Variants in RLIM observed in about 807,000 individuals in gnomAD.
RLIM encodes ring finger protein, LIM domain interacting.
Under a neutral mutation model 34.0 loss-of-function variants are expected in RLIM, and 2 were observed. The ratio of observed to expected loss-of-function variants is 0.06; its 90% confidence interval spans 0.02 to 0.19. RLIM has a LOEUF of 0.19. Ranked by LOEUF, RLIM falls within the 10% of genes least tolerant of loss-of-function variation. RLIM has a pLI of 1.00. For missense variants in RLIM, 286 were observed against 479.7 expected, an observed-to-expected ratio of 0.60 and a Z score of 3.77; for synonymous variants, 169 against 164.0, an observed-to-expected ratio of 1.03 and a Z score of -0.23.
chrX:74,594,246 T>C (rs2079629290), intron 3 of RLIM, 60 bp downstream of exon 3: 1 of 814,176 alleles, frequency 1.2e-6, no homozygotes. Flanking sequence ...TGACATTTAC[T>C]ATTACAAAGT....
intron 1 of RLIM, among the ~76,000 whole-genome samples, chrX:74,597,074 GA>G (rs1173193839): frequency 4.5e-5 from 5 of 112,027 alleles, no homozygotes; most frequent in African/African-American, 1.6e-4. Flanking sequence ...CAAAAAGTTA[GA>G]AAATTTAAAG....
At chrX:74,610,458 C>A (rs55756327) in intron 1 of RLIM, among the ~76,000 whole-genome samples, 59 of 81,339 alleles carry the variant, frequency 7.3e-4, no homozygotes, top group African/African-American at 1.4e-3. Context: ...AACAAACAAA[C>A]AAAAAAAACC....
intron 1 of RLIM, among the ~76,000 whole-genome samples, chrX:74,613,884 A>AG (rs1423388208): frequency 9.1e-6 from 1 of 109,612 alleles, no homozygotes; most frequent in Non-Finnish European, 1.9e-5. Context: ...TCGCGGCCCC[A>AG]GGGGGCGCCT....
chrX:74,612,923 C>T (rs1307692419), intron 1 of RLIM, among the ~76,000 whole-genome samples: 1 of 111,726 alleles, frequency 9.0e-6, no homozygotes, highest in East Asian at 2.8e-4. Flanking sequence ...CTGATAGTCA[C>T]TTTCAAGGAC....
rs1425495107 is a variant in RLIM at position 74,583,277 on chromosome X, G to A, written c.*8163C>T. Reference sequence around the variant, plus strand: ...CAGTGATTTTACCGGCAAGAGTAGGGTGCATGGCTTGAATAAGAGGAAACA... The same window carrying A: ...CAGTGATTTTACCGGCAAGAGTAGGATGCATGGCTTGAATAAGAGGAAACA... On this transcript the variant is annotated 3_prime_UTR_variant, in exon 4 of 4. Coordinates refer to ENST00000332687, the MANE Select transcript of RLIM (RefSeq NM_016120.4). 1 of 1,020,494 alleles carries A rather than the reference G, an allele frequency of 9.8e-7. No homozygotes were observed. The highest frequency in any genetic ancestry group is 1.4e-6 in the Non-Finnish European group (1 of 719,770). The allele number at this position is 1,020,494 out of a possible 1,213,427, so 84.1% of individuals were successfully genotyped here.
Position 74,590,634 on chromosome X carries a change from T to G in RLIM, c.*806A>C, listed in dbSNP as rs1049931212. 8 of 112,811 alleles carry G rather than the reference T, an allele frequency of 7.1e-5. No homozygotes were observed. The highest frequency in any genetic ancestry group is 4.6e-3 in the Middle Eastern group (1 of 217). The allele number at this position is 112,811 out of a possible 1,213,427, so 9.3% of individuals were successfully genotyped here. On this transcript the variant is annotated 3_prime_UTR_variant, in exon 4 of 4. Coordinates refer to ENST00000332687, the MANE Select transcript of RLIM (RefSeq NM_016120.4). Reference sequence around the variant, plus strand: ...GTACTTTGTTTGGTGTGTTTGTTACTATGTTGGCTCACAAAAAGCAGTTTT... The same window carrying G: ...GTACTTTGTTTGGTGTGTTTGTTACGATGTTGGCTCACAAAAAGCAGTTTT...
rs2079610939 is a variant in RLIM at position 74,591,152 on chromosome X, C to T, written c.*288G>A. On this transcript the variant is annotated 3_prime_UTR_variant, in exon 4 of 4. Transcript: ENST00000332687. ...TGCTAAGGCAGATCTTTTAAGATAA[C>T]AAAGGAAAAATTGACAAGTGTATAT... is the stretch of plus-strand genomic sequence containing the variant. 7.3e-6 allele frequency: 2 copies of T among 275,755 alleles called. No individual in the cohort carries two copies. Among genetic ancestry groups the T allele is most frequent in the South Asian group, 1.1e-4 (1 of 9,208 alleles). The allele number at this position is 275,755 out of a possible 1,213,427, so 22.7% of individuals were successfully genotyped here. A position where few individuals can be genotyped will look rare whatever the true frequency, so the allele number is the denominator to read the frequency against.
chrX:74,592,436 A>G lies in RLIM; in HGVS notation c.879T>C (p.Asn293=), dbSNP rs746474712. The G allele has an allele frequency of 8.3e-7, 1 of 1,211,921 alleles. No individual in the cohort carries two copies. The highest frequency in any genetic ancestry group is 1.1e-6 in the Non-Finnish European group (1 of 895,562). Residue 293 remains asparagine (N), a synonymous_variant, in exon 4 of 4, where the codon AAT becomes AAC. Coordinates refer to ENST00000332687, the MANE Select transcript of RLIM (RefSeq NM_016120.4). ...CTGAAGAACCTGCTCCTTGAGAAGC[A>G]TTTCTTGTTCCAGAAGCTGCAAAAA... ...RGLFAASGTR[N]ASQGAGSSDT...
chrX:74,609,316 T>C (rs1352235382), intron 1 of RLIM, among the ~76,000 whole-genome samples: 1 of 107,803 alleles, frequency 9.3e-6, no homozygotes, highest in African/African-American at 3.4e-5. Context: ...TGAAACCCCG[T>C]CTCTACTAAA....
rs1931291824 is a variant in RLIM, at chrX:74,584,291, T to C, written c.*7149A>G. ...TGTGACCTGGGCAAATTACCAAACA[T>C]CTGTATCTCAGCTGCATTACCTATA... On this transcript the variant is annotated 3_prime_UTR_variant, in exon 4 of 4. Coordinates refer to ENST00000332687, the MANE Select transcript of RLIM (RefSeq NM_016120.4). Among the ~76,000 whole-genome samples, 2 of 111,605 alleles carry C rather than the reference T, an allele frequency of 1.8e-5. No homozygotes were observed. The highest frequency in any genetic ancestry group is 6.5e-5 in the African/African-American group (2 of 30,687).
intron 1 of RLIM, among the ~76,000 whole-genome samples, chrX:74,599,189 C>A (rs958691940): frequency 2.1e-4 from 23 of 111,786 alleles, no homozygotes; most frequent in African/African-American, 7.5e-4. Context: ...AAAAAGGATG[C>A]CAACTCCTGT....
Position 74,591,879 on chromosome X carries a change from G to A in RLIM, c.1436C>T (p.Ser479Phe), listed in dbSNP as rs765559681. ...SSSSSSSSPS[S>F]SSGGESSETS... ...TTCTGAACTTTCACCACCGGAACTG[G>A]AACTAGGACTGGAACTGGAACTTGA... The change falls in exon 4 of 4, where the codon TCC (serine) becomes TTC (phenylalanine). Residue 479 changes from serine (S) to phenylalanine (F), a missense_variant. Physicochemically the swap from Ser to Phe is radical, Grantham distance 155. Transcript: ENST00000332687. 4 of 1,211,241 alleles carry A rather than the reference G, an allele frequency of 3.3e-6. No individual in the cohort carries two copies. In the Admixed American group the frequency reaches 8.7e-5, roughly 26 times the overall value.
intron 1 of RLIM, among the ~76,000 whole-genome samples, chrX:74,611,425 T>G (rs1344028478): frequency 8.9e-6 from 1 of 112,296 alleles, no homozygotes; most frequent in Non-Finnish European, 1.9e-5. Context: ...TCCAGATCAT[T>G]TAATTATTAA....
Position 74,584,565 on chromosome X carries a change from C to A in RLIM, c.*6875G>T, listed in dbSNP as rs1485154317. Among the ~76,000 whole-genome samples the A allele has an allele frequency of 2.7e-5, 3 of 111,428 alleles. No homozygotes were observed. The highest frequency in any genetic ancestry group is 5.6e-5 in the Non-Finnish European group (3 of 53,118). On this transcript the variant is annotated 3_prime_UTR_variant, in exon 4 of 4. Transcript: ENST00000332687. ...TATAATCCACCCAGATTTATCGAAT[C>A]CTTTCTTCTAGGTATCTGGGGGTTT...
intron 1 of RLIM, among the ~76,000 whole-genome samples, chrX:74,611,566 A>T (rs2079711037): frequency 8.9e-6 from 1 of 112,643 alleles, no homozygotes; most frequent in Admixed American, 9.4e-5. Context: ...AAATATGTGT[A>T]AACATGCATA....
At chrX:74,600,305 A>G (rs1156355123) in intron 1 of RLIM, among the ~76,000 whole-genome samples, 1 of 111,174 alleles carries the variant, frequency 9.0e-6, no homozygotes, top group Non-Finnish European at 1.9e-5. Flanking sequence ...AAACAAAACA[A>G]AACAAAAAAA....
rs1018315557 is a variant in RLIM at position 74,584,518 on chromosome X, A to C, written c.*6922T>G. On this transcript the variant is annotated 3_prime_UTR_variant, in exon 4 of 4. Transcript: ENST00000332687. ...GGACCCTTGCTTTCTTATTTTTTAA[A>C]ATGACCATTAAGAGTTCAGTTTATA... Among the ~76,000 whole-genome samples the C allele has an allele frequency of 8.9e-6, 1 of 112,120 alleles. No individual in the cohort carries two copies. Among genetic ancestry groups the C allele is most frequent in the Admixed American group, 9.5e-5 (1 of 10,555 alleles).
rs2079606858 is a variant in RLIM at position 74,590,303 on chromosome X, T to C, written c.*1137A>G. ...AAAACTCTGCCAAACTTGCTGATCT[T>C]CTGCTTCATCTACTCAGGTAGAATA... On this transcript the variant is annotated 3_prime_UTR_variant, in exon 4 of 4. Transcript: ENST00000332687. 8.9e-6 allele frequency: 1 copy of C among 112,343 alleles called. No homozygotes were observed. The highest frequency in any genetic ancestry group is 1.9e-5 in the Non-Finnish European group (1 of 53,300). 9.3% of individuals were successfully genotyped at this position (112,343 alleles called of 1,213,427 possible).
rs1340615343 is a variant in RLIM, at chrX:74,592,402, C to T, written c.913G>A (p.Ala305Thr). 1.3e-5 allele frequency: 16 copies of T among 1,209,821 alleles called. No individual in the cohort carries two copies. Among genetic ancestry groups the T allele is most frequent in the Non-Finnish European group, 1.6e-5 (14 of 895,241 alleles). ...SQGAGSSDTA[A>T]SGESTGSGQR... ...CCTGATCCTGTAGATTCACCACTGGCAGCTGTGTCTGAAGAACCTGCTCCT... is the reference window on the plus strand; with the variant it reads ...CCTGATCCTGTAGATTCACCACTGGTAGCTGTGTCTGAAGAACCTGCTCCT... The change falls in exon 4 of 4, where the codon GCC becomes ACC. Residue 305 changes from alanine (A) to threonine (T), a missense_variant. Transcript: ENST00000332687.
Sources: allele counts gnomAD v4.1 joint callset (sites outside exome capture counted in the v4.1 genomes callset), GRCh38; gene constraint gnomAD v4.1.1; transcripts MANE v1.5; gene names NCBI Gene and HGNC (gene_info 2026-07-23, HGNC 2026-07-21).